The following EPHA6 variants were observed in gnomAD, a reference collection of about 807,000 sequenced individuals.
EPHA6 encodes the protein EPH receptor A6, also known as ephrin type-A receptor 6.
EPHA6 carries 50 observed loss-of-function variants against 112.0 expected under a neutral mutation model. The observed-to-expected ratio is 0.45, with a 90% CI of 0.36 to 0.56. The LOEUF is 0.56. EPHA6 is among the 20% of genes least tolerant of loss of function. EPHA6 has a pLI of 0.00. For missense variants in EPHA6, 1,280 were observed against 1,417.4 expected (o/e 0.90, Z 1.56); for synonymous variants, 529 against 490.7 (o/e 1.08, Z -1.03).
chr3:97,562,960 T>C lies in EPHA6; in HGVS notation c.2387-29652T>C, dbSNP rs556044101. 2.8e-4 allele frequency among the ~76,000 whole-genome samples: 42 copies of C among 152,250 alleles called. No individual in the cohort carries two copies. The South Asian group carries it at 8.7e-3, about 32-fold the overall frequency. ...GTTTTTAATTAAACCAAATACAAAA[T>C]ATGTATTTTGTATTTTTAGGCATAA... is the stretch of plus-strand genomic sequence containing the variant. On this transcript the variant is annotated intron_variant, in intron 11 of 17. Coordinates refer to ENST00000389672, the MANE Select transcript of EPHA6 (RefSeq NM_001080448.3).
At chr3:97,531,917 G>A (rs182161227) in intron 10 of EPHA6, among the ~76,000 whole-genome samples, 127 of 152,000 alleles carry the variant, frequency 8.4e-4, no homozygotes, top group African/African-American at 2.5e-3. Flanking sequence ...ATTTCTAACT[G>A]TCAATGACGC....
chr3:97,284,549 A>C (rs1227816854), intron 5 of EPHA6, among the ~76,000 whole-genome samples: 1 of 152,080 alleles, frequency 6.6e-6, no homozygotes, highest in African/African-American at 2.4e-5. Flanking sequence ...CTACTCCTCT[A>C]CTGAACTGGC....
intron 1 of EPHA6, among the ~76,000 whole-genome samples, chr3:96,820,750 T>C (rs1284989891): frequency 6.6e-6 from 1 of 152,058 alleles, no homozygotes; most frequent in Non-Finnish European, 1.5e-5. Flanking sequence ...CTCATTTGGA[T>C]CAACAAATGC....
At chr3:96,820,277 A>C (rs952078626) in intron 1 of EPHA6, among the ~76,000 whole-genome samples, 1 of 152,080 alleles carries the variant, frequency 6.6e-6, no homozygotes, top group Non-Finnish European at 1.5e-5. Context: ...TAAAGCATGA[A>C]TCTATAGGGA....
chr3:97,491,757 A>G (rs1049901555), intron 10 of EPHA6, among the ~76,000 whole-genome samples: 1 of 151,760 alleles, frequency 6.6e-6, no homozygotes, highest in African/African-American at 2.4e-5. Flanking sequence ...ACCCCTAAGG[A>G]CACATAATGT....
intron 3 of EPHA6, among the ~76,000 whole-genome samples, chr3:97,038,964 G>C (rs2045213486): frequency 6.6e-6 from 1 of 152,032 alleles, no homozygotes; most frequent in Non-Finnish European, 1.5e-5. Context: ...TGATAATCTA[G>C]GCACTGTATA....
intron 14 of EPHA6, among the ~76,000 whole-genome samples, chr3:97,687,255 A>G (rs2032320115): frequency 6.6e-6 from 1 of 152,330 alleles, no homozygotes; most frequent in East Asian, 1.9e-4. Context: ...TCACTATAAA[A>G]AAAACAAAGA....
At chr3:97,659,103 A>G (rs2107627654) in intron 14 of EPHA6, among the ~76,000 whole-genome samples, 1 of 152,146 alleles carries the variant, frequency 6.6e-6, no homozygotes, top group African/African-American at 2.4e-5. Context: ...GTCTGCTAGT[A>G]TTTAACTGCG....
intron 5 of EPHA6, among the ~76,000 whole-genome samples, chr3:97,333,468 CTTTT>C (rs869258362): frequency 5.3e-5 from 4 of 75,856 alleles, no homozygotes; most frequent in African/African-American, 1.7e-4. Flanking sequence ...TATGGCTTTT[CTTTT>C]TTTTTTTTTT....
At chr3:97,429,494 TTTG>T (rs2089365322) in intron 6 of EPHA6, among the ~76,000 whole-genome samples, 1 of 152,166 alleles carries the variant, frequency 6.6e-6, no homozygotes, top group Admixed American at 6.6e-5. Flanking sequence ...GTAAATATAT[TTTG>T]TTCTTTTTTA....
chr3:96,974,951 G>A (rs1272993120), intron 2 of EPHA6, among the ~76,000 whole-genome samples: 1 of 152,124 alleles, frequency 6.6e-6, no homozygotes, highest in African/African-American at 2.4e-5. Context: ...CAGAGAGGGG[G>A]TCAGTGCATG....
At chr3:96,956,911 T>C (rs1576165016) in intron 2 of EPHA6, among the ~76,000 whole-genome samples, 1 of 151,714 alleles carries the variant, frequency 6.6e-6, no homozygotes, top group East Asian at 1.9e-4. Context: ...TACGTGCCTG[T>C]AGTCCCAGAT....
chr3:97,483,852 C>A, intron 9 of EPHA6, 82 bp from the exon 10 acceptor site: 1 of 1,358,334 alleles, frequency 7.4e-7, no homozygotes, highest in South Asian at 2.0e-5. Context: ...TTCAGTATGT[C>A]ATTTCCGGTT....
chr3:97,196,072 C>T (rs571682877), intron 3 of EPHA6, among the ~76,000 whole-genome samples: 3 of 151,352 alleles, frequency 2.0e-5, no homozygotes, highest in East Asian at 2.0e-4. Context: ...AAACTTTCTA[C>T]CCAGATCTCT....
chr3:97,441,016 C>G (rs535805150), intron 6 of EPHA6, among the ~76,000 whole-genome samples: 1 of 151,946 alleles, frequency 6.6e-6, no homozygotes. Flanking sequence ...TGTGTACTAC[C>G]AACATGGTCC....
At chr3:97,607,306 T>C (rs1002774288) in intron 12 of EPHA6, among the ~76,000 whole-genome samples, 5 of 151,074 alleles carry the variant, frequency 3.3e-5, no homozygotes, top group Non-Finnish European at 7.4e-5. Flanking sequence ...TGTAGTCTTA[T>C]GATTATATAG....
At chr3:97,059,954 C>G (rs2108117329) in intron 3 of EPHA6, among the ~76,000 whole-genome samples, 1 of 151,928 alleles carries the variant, frequency 6.6e-6, no homozygotes, top group East Asian at 1.9e-4. Flanking sequence ...AACCCCATCT[C>G]TACTAAAAAT....
At chr3:97,578,670 A>G (rs1243427857) in intron 11 of EPHA6, among the ~76,000 whole-genome samples, 1 of 152,186 alleles carries the variant, frequency 6.6e-6, no homozygotes, top group East Asian at 1.9e-4. Context: ...ATACCTTGCC[A>G]TGTACTTTGG....
At chr3:97,745,867 C>T (rs577082533) in intron 16 of EPHA6, among the ~76,000 whole-genome samples, 2 of 151,776 alleles carry the variant, frequency 1.3e-5, no homozygotes, top group East Asian at 1.9e-4. Context: ...CAGTTTTTAC[C>T]TTAAGTATTA....
Sources: allele counts gnomAD v4.1 joint callset (sites outside exome capture counted in the v4.1 genomes callset), GRCh38; gene constraint gnomAD v4.1.1; transcripts MANE v1.5; gene names NCBI Gene and HGNC (gene_info 2026-07-23, HGNC 2026-07-21).